Variants in TRNAU1AP observed in about 807,000 individuals in gnomAD.
TRNAU1AP encodes tRNA selenocysteine 1 associated protein 1, also known as tRNA selenocysteine 1-associated protein 1.
Under a neutral mutation model 43.3 loss-of-function variants are expected in TRNAU1AP, and 33 were observed. That is an observed-to-expected ratio of 0.76 (90% confidence interval 0.58 to 1.02). TRNAU1AP has a LOEUF of 1.02. TRNAU1AP is among the 50% of genes least tolerant of loss of function. TRNAU1AP has a pLI of 0.00. For synonymous variants in TRNAU1AP, 143 were observed against 129.1 expected (o/e 1.11, Z -0.73); for missense variants, 290 against 362.7 (o/e 0.80, Z 1.63).
At chr1:28,573,096 G>A (rs114641165) in intron 8 of TRNAU1AP, among the ~76,000 whole-genome samples, 2,657 of 142,538 alleles carry the variant, frequency 0.019, 59 homozygotes, top group African/African-American at 0.058. Flanking sequence ...ATGCAGTGGC[G>A]CAATCTCATC....
intron 2 of TRNAU1AP, among the ~76,000 whole-genome samples, chr1:28,555,681 T>A (rs1251604803): frequency 1.3e-5 from 2 of 151,868 alleles, no homozygotes; most frequent in Admixed American, 6.6e-5. Context: ...AAAATAGAGA[T>A]GAGACATTTG....
intron 4 of TRNAU1AP, among the ~76,000 whole-genome samples, chr1:28,562,429 A>G (rs187435353): frequency 1.9e-3 from 292 of 152,304 alleles, no homozygotes; most frequent in African/African-American, 6.7e-3. Context: ...TTGAAAATGA[A>G]AAAAAATACT....
intron 8 of TRNAU1AP, among the ~76,000 whole-genome samples, chr1:28,572,893 C>T (rs1419189082): frequency 2.6e-5 from 4 of 151,560 alleles, no homozygotes; most frequent in Admixed American, 1.3e-4. Flanking sequence ...CGAGATCGCA[C>T]CAATGGGCTC....
Position 28,554,809 on chromosome 1 carries a change from A to C in TRNAU1AP, c.125+1072A>C, listed in dbSNP as rs865944246. ...CAGTGAGCCGAGATCGCTCCACTCC[A>C]CTCCAGCCTGGGCGACAGCTGAGAC... On this transcript the variant is annotated intron_variant, in intron 2 of 8. Transcript: ENST00000373830. 3.1e-3 allele frequency among the ~76,000 whole-genome samples: 460 copies of C among 148,740 alleles called. 3 individuals are homozygous for C. The highest frequency in any genetic ancestry group is 0.01 in the African/African-American group (417 of 40,180).
At chr1:28,570,370 C>T (rs1398333142) in intron 6 of TRNAU1AP, among the ~76,000 whole-genome samples, 1 of 152,000 alleles carries the variant, frequency 6.6e-6, no homozygotes, top group Non-Finnish European at 1.5e-5. Context: ...GCCTCAGCTT[C>T]ACAAGCAGCT....
At chr1:28,568,813 A>ATTT (rs34038529) in intron 6 of TRNAU1AP, among the ~76,000 whole-genome samples, 1 of 138,088 alleles carries the variant, frequency 7.2e-6, no homozygotes, top group Non-Finnish European at 1.6e-5. Context: ...TAGTTGAACT[A>ATTT]TTTTTTTTTT....
At chr1:28,562,615 CTG>C (rs1217241197) in intron 4 of TRNAU1AP, among the ~76,000 whole-genome samples, 6 of 150,824 alleles carry the variant, frequency 4.0e-5, no homozygotes, top group African/African-American at 1.5e-4. Context: ...GAGTCTCACT[CTG>C]TTGCCCAGGC....
At chr1:28,556,604 T>C (rs1417944822) in intron 2 of TRNAU1AP, among the ~76,000 whole-genome samples, 1 of 150,964 alleles carries the variant, frequency 6.6e-6, no homozygotes, top group Non-Finnish European at 1.5e-5. Context: ...CTCCGCCTCC[T>C]GGGTTTAAGC....
chr1:28,575,954 G>A (rs1036863785), intron 8 of TRNAU1AP, among the ~76,000 whole-genome samples: 2 of 146,892 alleles, frequency 1.4e-5, no homozygotes, highest in Admixed American at 7.0e-5. Flanking sequence ...TCTGCCTCCC[G>A]GGTTCAGGTG....
chr1:28,557,800 G>A (rs955276588), intron 2 of TRNAU1AP, among the ~76,000 whole-genome samples: 2 of 151,796 alleles, frequency 1.3e-5, no homozygotes, highest in Non-Finnish European at 1.5e-5. Context: ...TGTTGGCCAG[G>A]ATAGTCTCGA....
rs574798473 is a variant in TRNAU1AP at position 28,568,799 on chromosome 1, A to AGAGTAGTT, written c.530+1389_530+1396dup. On this transcript the variant is annotated intron_variant, in intron 6 of 8. Coordinates refer to ENST00000373830, the MANE Select transcript of TRNAU1AP (RefSeq NM_017846.5). ...TCCAGGGCTGAGAAACTCTACCCTA[A>AGAGTAGTT]GAGTAGTTGAACTATTTTTTTTTTT... Among the ~76,000 whole-genome samples, 160 of 151,856 alleles carry AGAGTAGTT rather than the reference A, an allele frequency of 1.1e-3. 1 individual carries two copies. Among genetic ancestry groups the AGAGTAGTT allele is most frequent in the African/African-American group, 3.5e-3 (144 of 41,400 alleles).
Position 28,553,689 on chromosome 1 carries a change from T to TGG in TRNAU1AP, c.81_82dup (p.Glu28GlyfsTer4). On this transcript the variant is annotated frameshift_variant, in exon 2 of 9. Transcript: ENST00000373830. LOFTEE classifies it high-confidence loss of function. ...TTCATCTCCAGAGCCTTTGCCACCA[T>TGG]GGGGGAGACCGTAATGAGCGTCAAA... is the stretch of plus-strand genomic sequence containing the variant. 6.2e-7 allele frequency: 1 copy of TGG among 1,614,144 alleles called. No individual in the cohort carries two copies. Among genetic ancestry groups the TGG allele is most frequent in the Non-Finnish European group, 8.5e-7 (1 of 1,180,012 alleles).
At chr1:28,573,441 C>T (rs1020476816) in intron 8 of TRNAU1AP, among the ~76,000 whole-genome samples, 3 of 151,362 alleles carry the variant, frequency 2.0e-5, no homozygotes, top group African/African-American at 7.3e-5. Flanking sequence ...GAGATCGAGA[C>T]CATCTTGGCC....
intron 8 of TRNAU1AP, among the ~76,000 whole-genome samples, chr1:28,572,401 G>A (rs1665681536): frequency 6.6e-6 from 1 of 151,722 alleles, no homozygotes. Context: ...TCTCCATGTT[G>A]GCTTGGCCGG....
At chr1:28,554,608 G>C (rs949794641) in intron 2 of TRNAU1AP, among the ~76,000 whole-genome samples, 1 of 151,782 alleles carries the variant, frequency 6.6e-6, no homozygotes, top group Non-Finnish European at 1.5e-5. Context: ...TTGGGAGGCC[G>C]AGGCAGGCCG....
intron 4 of TRNAU1AP, among the ~76,000 whole-genome samples, chr1:28,563,312 G>A (rs923590957): frequency 6.6e-6 from 1 of 152,066 alleles, no homozygotes. Context: ...CACTTTGGGA[G>A]GCTGAGACGG....
chr1:28,572,672 C>T (rs1219578063), intron 8 of TRNAU1AP, among the ~76,000 whole-genome samples: 1 of 151,588 alleles, frequency 6.6e-6, no homozygotes, highest in Non-Finnish European at 1.5e-5. Context: ...TGGTGGCTCA[C>T]GCCTCTAATC....
At chr1:28,571,535 A>G (rs1331719065) in intron 7 of TRNAU1AP, among the ~76,000 whole-genome samples, 197 bp downstream of exon 7, 2 of 152,074 alleles carry the variant, frequency 1.3e-5, no homozygotes, top group Non-Finnish European at 2.9e-5. Context: ...TAATCCTAGC[A>G]CTTTGAGAGG....
chr1:28,560,821 T>C (rs1288472284), intron 3 of TRNAU1AP, 89 bp downstream of exon 3: 1 of 1,152,088 alleles, frequency 8.7e-7, no homozygotes, highest in Non-Finnish European at 1.2e-6. Flanking sequence ...ACTTATTTTA[T>C]TTAATCCTAA....
Sources: allele counts gnomAD v4.1 joint callset (sites outside exome capture counted in the v4.1 genomes callset), GRCh38; gene constraint gnomAD v4.1.1; transcripts MANE v1.5; gene names NCBI Gene and HGNC (gene_info 2026-07-23, HGNC 2026-07-21).